CASR: variants seen among roughly 807,000 people sequenced by gnomAD.
CASR encodes calcium sensing receptor.
CASR carries 23 observed loss-of-function variants against 69.1 expected under a neutral mutation model. The ratio of observed to expected loss-of-function variants is 0.33; its 90% confidence interval spans 0.24 to 0.47. CASR has a LOEUF of 0.47. CASR is among the 20% of genes least tolerant of loss of function. The pLI is 1.00. For missense variants in CASR, 924 were observed against 1,356.1 expected, an observed-to-expected ratio of 0.68 and a Z score of 5.00; for synonymous variants, 541 against 544.7, an observed-to-expected ratio of 0.99 and a Z score of 0.10.
chr3:122,220,357 T>C (rs748316878), intron 1 of CASR, among the ~76,000 whole-genome samples: 1 of 152,214 alleles, frequency 6.6e-6, no homozygotes, highest in Non-Finnish European at 1.5e-5. Flanking sequence ...ATCCCAACAA[T>C]AAGCGAAGAG....
Position 122,285,735 on chromosome 3 carries a change from G to T in CASR, c.*544G>T. The T allele has an allele frequency of 5.8e-6, 1 of 173,326 alleles. No individual in the cohort carries two copies. Among genetic ancestry groups the T allele is most frequent in the Non-Finnish European group, 1.3e-5 (1 of 78,872 alleles). 10.7% of individuals were successfully genotyped at this position (173,326 alleles called of 1,614,324 possible). A position where few individuals can be genotyped will look rare whatever the true frequency, so the allele number is the denominator to read the frequency against. On this transcript the variant is annotated 3_prime_UTR_variant, in exon 7 of 7. Coordinates refer to ENST00000639785, the MANE Select transcript of CASR (RefSeq NM_000388.4). The stretch of plus-strand genomic sequence containing the variant: ...TGCTGCTATTATGTAACATCCAGAA[G>T]GTTTGCACCCCTCCTATACCATATG...
chr3:122,220,959 G>A (rs1031172497), intron 1 of CASR, among the ~76,000 whole-genome samples: 2 of 151,674 alleles, frequency 1.3e-5, no homozygotes, highest in Admixed American at 1.3e-4. Context: ...GGGCGACAGA[G>A]AAAACCCCAT....
At chr3:122,252,459 G>GAAAGAAAGAAAGAAAGAAAGAAAAGAA (rs1559954451) in intron 1 of CASR, among the ~76,000 whole-genome samples, 1 of 62,288 alleles carries the variant, frequency 1.6e-5, no homozygotes, top group Non-Finnish European at 3.1e-5. Context: ...AAAAAGAAAA[G>GAAAGAAAGAAAGAAAGAAAGAAAAGAA]AAAGAAAAGA....
In CASR at chr3:122,257,261, T is replaced by G. The variant is rs747401389; in HGVS notation, c.366T>G (p.Ser122=). 6.2e-7 allele frequency: 1 copy of G among 1,614,214 alleles called. No individual in the cohort carries two copies. The highest frequency in any genetic ancestry group is 1.1e-5 in the South Asian group (1 of 91,090). ...LSFVAQNKID[S]LNLDEFCNCS... is the part of the protein sequence containing the mutation. Reference sequence around the variant, plus strand: ...TTGTTGCTCAAAACAAAATTGATTCTTTGAACCTTGATGAGTTCTGCAACT... The same window carrying G: ...TTGTTGCTCAAAACAAAATTGATTCGTTGAACCTTGATGAGTTCTGCAACT... Residue 122 remains serine, a synonymous_variant, in exon 3 of 7, where the codon TCT becomes TCG. Coordinates refer to ENST00000639785, the MANE Select transcript of CASR (RefSeq NM_000388.4).
intron 1 of CASR, among the ~76,000 whole-genome samples, chr3:122,205,567 G>A (rs1479558755): frequency 6.6e-6 from 1 of 151,874 alleles, no homozygotes; most frequent in African/African-American, 2.4e-5. Context: ...GTAGTTCCTT[G>A]TAAATTTTAG....
At chr3:122,212,152 C>T (rs4678123) in intron 1 of CASR, among the ~76,000 whole-genome samples, 110,232 of 152,084 alleles carry the variant, frequency 0.72, 40,195 homozygotes, top group Admixed American at 0.82. Flanking sequence ...AGACATAGAA[C>T]CAACCCAAAT....
chr3:122,239,226 C>T (rs1181643627), intron 1 of CASR, among the ~76,000 whole-genome samples: 3 of 152,148 alleles, frequency 2.0e-5, no homozygotes, highest in Non-Finnish European at 4.4e-5. Context: ...GCAGCATTCA[C>T]CACAACCTGA....
At chr3:122,193,839 G>A (rs984247637) in intron 1 of CASR, among the ~76,000 whole-genome samples, 1 of 152,160 alleles carries the variant, frequency 6.6e-6, no homozygotes, top group African/African-American at 2.4e-5. Context: ...AGTTACTACA[G>A]TTACTTTACT....
chr3:122,230,686 C>A (rs1385269579), intron 1 of CASR, among the ~76,000 whole-genome samples: 1 of 152,142 alleles, frequency 6.6e-6, no homozygotes, highest in Non-Finnish European at 1.5e-5. Flanking sequence ...TGAGGTTCCA[C>A]CTGCATAGAA....
Position 122,275,973 on chromosome 3 carries a change from C to T in CASR, c.1539C>T (p.Val513=), listed in dbSNP as rs1553768122. The change falls in exon 5 of 7, where the codon GTC becomes GTT. Residue 513 remains valine, a synonymous_variant. Coordinates refer to ENST00000639785, the MANE Select transcript of CASR (RefSeq NM_000388.4). The part of the protein sequence containing the change: ...IVFKEVGYYN[V]YAKKGERLFI... ...TTAAGGAAGTCGGGTATTACAACGT[C>T]TATGCCAAGAAGGGAGAAAGACTCT... The T allele has an allele frequency of 6.2e-7, 1 of 1,614,044 alleles. No homozygotes were observed. The highest frequency in any genetic ancestry group is 8.5e-7 in the Non-Finnish European group (1 of 1,179,922).
chr3:122,190,796 C>T (rs1421926363), intron 1 of CASR, among the ~76,000 whole-genome samples: 2 of 152,132 alleles, frequency 1.3e-5, no homozygotes, highest in African/African-American at 4.8e-5. Flanking sequence ...GACAAAGCAC[C>T]CTCTTAATAT....
At chr3:122,261,410 A>T in intron 3 of CASR, 118 bp from the exon 4 acceptor site, 1 of 858,576 alleles carries the variant, frequency 1.2e-6, no homozygotes, top group Non-Finnish European at 2.0e-6. Context: ...TGAACAGCAT[A>T]GTTGATAAAT....
intron 1 of CASR, among the ~76,000 whole-genome samples, chr3:122,205,785 T>C (rs1225758019): frequency 6.6e-6 from 1 of 151,982 alleles, no homozygotes; most frequent in Admixed American, 6.6e-5. Context: ...GATTTTTCAC[T>C]TATTTGATTA....
intron 3 of CASR, among the ~76,000 whole-genome samples, chr3:122,258,044 CA>C (rs2074575679): frequency 6.6e-6 from 1 of 152,140 alleles, no homozygotes; most frequent in Admixed American, 6.5e-5. Context: ...TTCAGTGGTG[CA>C]TTTTTTTCAC....
At chr3:122,262,608 A>G (rs2074641425) in intron 4 of CASR, among the ~76,000 whole-genome samples, 196 bp downstream of exon 4, 1 of 152,242 alleles carries the variant, frequency 6.6e-6, no homozygotes, top group Admixed American at 6.5e-5. Context: ...TTGATTATCT[A>G]TTTAAAGCCT....
At chr3:122,260,653 A>G (rs2074609089) in intron 3 of CASR, among the ~76,000 whole-genome samples, 1 of 151,706 alleles carries the variant, frequency 6.6e-6, no homozygotes, top group Admixed American at 6.6e-5. Context: ...ACAAACCTGC[A>G]CGTTGTGCAC....
chr3:122,249,837 T>C (rs1348695582), intron 1 of CASR, among the ~76,000 whole-genome samples: 3 of 152,228 alleles, frequency 2.0e-5, no homozygotes, highest in Non-Finnish European at 4.4e-5. Flanking sequence ...AGAAAAAATA[T>C]ATATAATAAC....
intron 1 of CASR, among the ~76,000 whole-genome samples, chr3:122,242,110 A>C (rs1009597166): frequency 1.3e-5 from 2 of 152,132 alleles, no homozygotes; most frequent in African/African-American, 4.8e-5. Context: ...CCTTTCCTCT[A>C]AGATCTGGAA....
At chr3:122,242,878 C>A (rs1264274641) in intron 1 of CASR, among the ~76,000 whole-genome samples, 50 of 152,148 alleles carry the variant, frequency 3.3e-4, no homozygotes, top group Non-Finnish European at 1.5e-5. Context: ...CACACACCTA[C>A]AGTGAACTTG....
Sources: allele counts gnomAD v4.1 joint callset (sites outside exome capture counted in the v4.1 genomes callset), GRCh38; gene constraint gnomAD v4.1.1; transcripts MANE v1.5; gene names NCBI Gene and HGNC (gene_info 2026-07-23, HGNC 2026-07-21).